The following TSPAN18 variants were observed in gnomAD, a reference collection of about 807,000 sequenced individuals.
TSPAN18 encodes tetraspanin-18.
TSPAN18 carries 14 observed loss-of-function variants against 27.3 expected under a neutral mutation model. The ratio of observed to expected loss-of-function variants is 0.51; its 90% CI spans 0.34 to 0.80. The LOEUF (loss-of-function observed/expected upper bound fraction) is 0.80. TSPAN18 is among the 30% of genes least tolerant of loss of function. TSPAN18 has a pLI of 0.01. For missense variants in TSPAN18, 268 were observed against 323.9 expected, an observed-to-expected ratio of 0.83 and a Z score of 1.32; for synonymous variants, 143 against 136.5, an observed-to-expected ratio of 1.05 and a Z score of -0.33.
intron 1 of TSPAN18, among the ~76,000 whole-genome samples, chr11:44,730,266 A>G (rs1854619866): frequency 6.6e-6 from 1 of 152,172 alleles, no homozygotes; most frequent in South Asian, 2.1e-4. Context: ...TGGGAGCCCC[A>G]TGTTAGTCTG....
Position 44,788,311 on chromosome 11 carries a change from C to T in TSPAN18, c.-153+23799C>T, listed in dbSNP as rs1005051343. Among the ~76,000 whole-genome samples, 8 of 152,178 alleles carry T rather than the reference C, an allele frequency of 5.3e-5. No homozygotes were observed. The South Asian group carries it at 8.3e-4, about 16-fold the overall frequency. On this transcript the variant is annotated intron_variant, in intron 2 of 9. Coordinates refer to ENST00000520358, the MANE Select transcript of TSPAN18 (RefSeq NM_130783.5). ...TGCTGTCTACGTGCGCTGTCCAATACGAGAGCCACTTGCACATCAAACTGA... is the reference window on the plus strand; with the variant it reads ...TGCTGTCTACGTGCGCTGTCCAATATGAGAGCCACTTGCACATCAAACTGA...
In TSPAN18 at chr11:44,930,665, T is replaced by C; in HGVS notation, c.*1487T>C. 2.8e-6 allele frequency: 1 copy of C among 363,436 alleles called. No homozygotes were observed. The highest frequency in any genetic ancestry group is 5.5e-6 in the Non-Finnish European group (1 of 182,688). 22.5% of individuals were successfully genotyped at this position (363,436 alleles called of 1,614,324 possible). A position where few individuals can be genotyped will look rare whatever the true frequency, so the allele number is the denominator to read the frequency against. On this transcript the variant is annotated 3_prime_UTR_variant, in exon 10 of 10. Transcript: ENST00000520358. ...ACTGGATTGCAAGATGCTCCTACCC[T>C]GATAGATCAGGGGTGGCTGCTGGAG...
intron 2 of TSPAN18, among the ~76,000 whole-genome samples, chr11:44,842,377 G>T (rs1255175816): frequency 6.6e-6 from 1 of 152,222 alleles, no homozygotes; most frequent in African/African-American, 2.4e-5. Flanking sequence ...CCCATGTAAA[G>T]ATACATCTGC....
chr11:44,751,484 A>G (rs1855209220), intron 1 of TSPAN18, among the ~76,000 whole-genome samples: 1 of 152,156 alleles, frequency 6.6e-6, no homozygotes, highest in Non-Finnish European at 1.5e-5. Context: ...TAATGTGACA[A>G]TCCACAGCAT....
chr11:44,772,574 G>A (rs1855712193), intron 2 of TSPAN18, among the ~76,000 whole-genome samples: 1 of 152,288 alleles, frequency 6.6e-6, no homozygotes, highest in Non-Finnish European at 1.5e-5. Context: ...CTTATATACT[G>A]TATACTTTAA....
chr11:44,741,082 G>T (rs1483241540), intron 1 of TSPAN18, among the ~76,000 whole-genome samples: 3 of 152,170 alleles, frequency 2.0e-5, no homozygotes, highest in Non-Finnish European at 4.4e-5. Flanking sequence ...GTCTTGAACG[G>T]GGAACATGAC....
At chr11:44,893,911 G>A (rs1021635348) in intron 3 of TSPAN18, among the ~76,000 whole-genome samples, 2 of 152,176 alleles carry the variant, frequency 1.3e-5, no homozygotes, top group African/African-American at 4.8e-5. Context: ...TCAGGGTTTC[G>A]TTTCTGTATC....
chr11:44,754,154 G>C (rs940871350), intron 1 of TSPAN18, among the ~76,000 whole-genome samples: 1 of 152,164 alleles, frequency 6.6e-6, no homozygotes, highest in Non-Finnish European at 1.5e-5. Flanking sequence ...GCCTCCTGCG[G>C]ACCTTTTCTG....
At chr11:44,788,824 C>T (rs1318654463) in intron 2 of TSPAN18, among the ~76,000 whole-genome samples, 2 of 152,142 alleles carry the variant, frequency 1.3e-5, no homozygotes, top group Non-Finnish European at 2.9e-5. Context: ...TTCTCCTGTA[C>T]CTGAAGATTA....
At chr11:44,813,502 C>T (rs1165386362) in intron 2 of TSPAN18, among the ~76,000 whole-genome samples, 2 of 152,216 alleles carry the variant, frequency 1.3e-5, no homozygotes, top group Non-Finnish European at 2.9e-5. Context: ...TGGAGACAGT[C>T]TTACCCTTTC....
intron 2 of TSPAN18, among the ~76,000 whole-genome samples, chr11:44,802,143 C>T (rs1056546837): frequency 4.6e-5 from 7 of 152,052 alleles, no homozygotes; most frequent in Non-Finnish European, 1.0e-4. Flanking sequence ...TGGAGAGTCT[C>T]TCCTCAAGCT....
At chr11:44,926,983 G>A (rs1860383845) in intron 9 of TSPAN18, among the ~76,000 whole-genome samples, 1 of 152,196 alleles carries the variant, frequency 6.6e-6, no homozygotes, top group African/African-American at 2.4e-5. Context: ...AAATGGGGAT[G>A]GGCAGGCCCT....
chr11:44,897,386 CTGGGTGGCATCCATGGATGCA>C (rs1186184307), intron 3 of TSPAN18, among the ~76,000 whole-genome samples: 1 of 152,162 alleles, frequency 6.6e-6, no homozygotes. Context: ...TTGTGGATGC[CTGGGTGGCATCCATGGATGCA>C]GGTTACTCAC....
intron 1 of TSPAN18, among the ~76,000 whole-genome samples, chr11:44,731,629 T>TGAGAGAGAGAGAGAGA (rs1192833022): frequency 1.6e-5 from 1 of 62,186 alleles, no homozygotes; most frequent in African/African-American, 4.3e-5. Context: ...TGTGTGTGTG[T>TGAGAGAGAGAGAGAGA]GTGTGAGAGA....
intron 5 of TSPAN18, among the ~76,000 whole-genome samples, chr11:44,916,886 T>A (rs1859930422): frequency 6.6e-6 from 1 of 152,194 alleles, no homozygotes; most frequent in Admixed American, 6.5e-5. Flanking sequence ...GACAACGGAC[T>A]TTGTCAAGGG....
At chr11:44,769,887 T>C (rs1855651984) in intron 2 of TSPAN18, among the ~76,000 whole-genome samples, 1 of 152,222 alleles carries the variant, frequency 6.6e-6, no homozygotes, top group Non-Finnish European at 1.5e-5. Flanking sequence ...GTTGAATTGA[T>C]TTCCTGTTTT....
intron 3 of TSPAN18, 70 bp from the exon 4 acceptor site, chr11:44,906,336 TG>T: frequency 1.4e-6 from 2 of 1,409,738 alleles, no homozygotes; most frequent in Non-Finnish European, 2.0e-6. Flanking sequence ...GGGGAACCCC[TG>T]GGGAGGGGCT....
chr11:44,839,278 G>A (rs940072835), intron 2 of TSPAN18, among the ~76,000 whole-genome samples: 12 of 152,140 alleles, frequency 7.9e-5, no homozygotes, highest in Middle Eastern at 3.2e-3. Context: ...TGGGCCCCCC[G>A]GCTCCCCAGT....
chr11:44,790,453 A>C (rs1565150587), intron 2 of TSPAN18, among the ~76,000 whole-genome samples: 1 of 138,314 alleles, frequency 7.2e-6, no homozygotes. Flanking sequence ...TCGTGTGTGC[A>C]TGTGTGTATG....
Sources: allele counts gnomAD v4.1 joint callset (sites outside exome capture counted in the v4.1 genomes callset), GRCh38; gene constraint gnomAD v4.1.1; transcripts MANE v1.5; gene names NCBI Gene and HGNC (gene_info 2026-07-23, HGNC 2026-07-21).